Variants in NOS1AP observed in about 807,000 individuals in gnomAD.
NOS1AP encodes carboxyl-terminal PDZ ligand of neuronal nitric oxide synthase protein.
Under a neutral mutation model 56.2 loss-of-function variants are expected in NOS1AP, and 21 were observed. The observed-to-expected ratio is 0.37, with a 90% CI of 0.26 to 0.54. The LOEUF is 0.54. Among genes scored for constraint, NOS1AP ranks in the 20% least tolerant of loss-of-function variants. The probability of loss-of-function intolerance (pLI) is 0.84; values close to 1 mark genes in which losing one functional copy is unlikely to be tolerated. For missense variants in NOS1AP, 522 were observed against 657.8 expected (o/e 0.79, Z 2.26); for synonymous variants, 270 against 274.6 (o/e 0.98, Z 0.17).
intron 1 of NOS1AP, among the ~76,000 whole-genome samples, chr1:162,119,963 C>T (rs1648135681): frequency 6.6e-6 from 1 of 152,062 alleles, no homozygotes; most frequent in South Asian, 2.1e-4. Context: ...GTGACAAGTA[C>T]GAACCTATCC....
intron 2 of NOS1AP, among the ~76,000 whole-genome samples, chr1:162,186,930 G>C (rs915154594): frequency 6.6e-6 from 1 of 152,008 alleles, no homozygotes; most frequent in African/African-American, 2.4e-5. Context: ...ATGCATAAAG[G>C]TTTTTTTGTT....
chr1:162,072,402 C>G (rs1691679090), intron 1 of NOS1AP, among the ~76,000 whole-genome samples: 1 of 152,150 alleles, frequency 6.6e-6, no homozygotes. Context: ...TGTACTGTTT[C>G]TTTTCTAAGC....
At chr1:162,093,201 G>T (rs1692170570) in intron 1 of NOS1AP, among the ~76,000 whole-genome samples, 1 of 152,150 alleles carries the variant, frequency 6.6e-6, no homozygotes, top group Non-Finnish European at 1.5e-5. Context: ...TATCTGAGCA[G>T]GGGATAAGTA....
chr1:162,217,557 G>T (rs1652624048), intron 2 of NOS1AP, among the ~76,000 whole-genome samples: 2 of 152,094 alleles, frequency 1.3e-5, no homozygotes, highest in Admixed American at 1.3e-4. Flanking sequence ...GAGCCACTGT[G>T]CCTGGCCTTG....
At chr1:162,108,658 A>AAAAAATATTGCC (rs1371316034) in intron 1 of NOS1AP, among the ~76,000 whole-genome samples, 1 of 152,194 alleles carries the variant, frequency 6.6e-6, no homozygotes, top group Non-Finnish European at 1.5e-5. Flanking sequence ...TGACAACATG[A>AAAAAATATTGCC]AAAAATATTG....
chr1:162,239,923 A>G (rs1317540448), intron 2 of NOS1AP, among the ~76,000 whole-genome samples: 1 of 152,210 alleles, frequency 6.6e-6, no homozygotes, highest in Non-Finnish European at 1.5e-5. Flanking sequence ...AGGCCTGTAT[A>G]TTGCCAACTA....
At position 162,354,509 on chromosome 1, in the gene NOS1AP, G is replaced by A. The variant is rs539636325; in HGVS notation, c.596-678G>A. Among the ~76,000 whole-genome samples the A allele has an allele frequency of 7.9e-4, 121 of 152,252 alleles. 1 individual carries two copies. Among genetic ancestry groups the A allele is most frequent in the African/African-American group, 2.8e-3 (117 of 41,546 alleles). On this transcript the variant is annotated intron_variant, in intron 6 of 9. Transcript: ENST00000361897. Reference sequence around the variant, plus strand: ...TCTTCAGTGGAAAGGAAGAAATGTGGGAAGTAGAAAAATTAGATAAGGAAG... The same window carrying A: ...TCTTCAGTGGAAAGGAAGAAATGTGAGAAGTAGAAAAATTAGATAAGGAAG...
rs1293965250 is a variant in NOS1AP at position 162,155,452 on chromosome 1, T to TAGAG, written c.177+977_177+978insGAGA. ...ACATACATATATACATATATATATA[T>TAGAG]ATATAGAGAGAGAGAGAGAGGTATC... On this transcript the variant is annotated intron_variant, in intron 2 of 9. Transcript: ENST00000361897. 3.4e-5 allele frequency among the ~76,000 whole-genome samples: 5 copies of TAGAG among 147,482 alleles called. No homozygotes were observed. The East Asian group carries it at 5.9e-4, about 18-fold the overall frequency.
chr1:162,114,152 C>A (rs923124191), intron 1 of NOS1AP, among the ~76,000 whole-genome samples: 7 of 152,128 alleles, frequency 4.6e-5, no homozygotes, highest in African/African-American at 1.7e-4. Flanking sequence ...ACTCTAAAAC[C>A]CCAGTGTAGA....
rs139529913 is a variant in NOS1AP, at chr1:162,279,486, G to A, written c.178-7858G>A. On this transcript the variant is annotated intron_variant, in intron 2 of 9. Transcript: ENST00000361897. ...CAGAACATCTGTGTGTGCATGAACC[G>A]CTCTTCCACCTTCTCAACGTTCCAA... Among the ~76,000 whole-genome samples the A allele has an allele frequency of 3.9e-3, 594 of 152,284 alleles. 12 individuals are homozygous for A. Among genetic ancestry groups the A allele is most frequent in the Non-Finnish European group, 5.1e-3 (344 of 68,020 alleles).
chr1:162,247,265 T>C (rs1653696375), intron 2 of NOS1AP, among the ~76,000 whole-genome samples: 1 of 152,156 alleles, frequency 6.6e-6, no homozygotes, highest in South Asian at 2.1e-4. Flanking sequence ...ATCTGATCCC[T>C]CAGGAAAGAT....
At chr1:162,080,391 C>T (rs1223492244) in intron 1 of NOS1AP, among the ~76,000 whole-genome samples, 1 of 152,210 alleles carries the variant, frequency 6.6e-6, no homozygotes, top group South Asian at 2.1e-4. Context: ...AGAGTGGCTA[C>T]CCCCATTTAT....
intron 1 of NOS1AP, among the ~76,000 whole-genome samples, chr1:162,112,443 C>G (rs1178018767): frequency 1.3e-5 from 2 of 152,166 alleles, no homozygotes; most frequent in East Asian, 1.9e-4. Flanking sequence ...GCCTTGGCCC[C>G]CTCTTCAAAC....
At chr1:162,125,695 T>C (rs1167129600) in intron 1 of NOS1AP, among the ~76,000 whole-genome samples, 1 of 152,198 alleles carries the variant, frequency 6.6e-6, no homozygotes, top group East Asian at 1.9e-4. Context: ...TAATTTGATG[T>C]CCAATAATGT....
chr1:162,297,025 C>T (rs1655487956), intron 3 of NOS1AP, among the ~76,000 whole-genome samples: 1 of 152,202 alleles, frequency 6.6e-6, no homozygotes, highest in Non-Finnish European at 1.5e-5. Context: ...TTAATGACAG[C>T]CCCTTGCTGG....
At chr1:162,127,024 G>C (rs896873492) in intron 1 of NOS1AP, among the ~76,000 whole-genome samples, 2 of 152,108 alleles carry the variant, frequency 1.3e-5, no homozygotes, top group Non-Finnish European at 2.9e-5. Context: ...TACTTCTTTT[G>C]TTATGAGTAA....
intron 4 of NOS1AP, among the ~76,000 whole-genome samples, chr1:162,321,630 C>A (rs1301856474): frequency 2.6e-5 from 4 of 151,184 alleles, no homozygotes; most frequent in African/African-American, 4.9e-5. Context: ...ATGACGAGTT[C>A]ATGGGTGCAG....
rs1655866935 is a variant in NOS1AP, at chr1:162,307,317, GACTAACAAACAAA to G, written c.344+6615_344+6627del. Among the ~76,000 whole-genome samples, 2 of 152,124 alleles carry G rather than the reference GACTAACAAACAAA, an allele frequency of 1.3e-5. 1 individual carries two copies. Among genetic ancestry groups the G allele is most frequent in the South Asian group, 4.1e-4 (2 of 4,824 alleles). On this transcript the variant is annotated intron_variant, in intron 4 of 9. Coordinates refer to ENST00000361897, the MANE Select transcript of NOS1AP (RefSeq NM_014697.3). ...TTATGTTCCTTGAAATGAGTGAATAGACTAACAAACAAAACTCCTTTTTAAAACTAGGGGGAGT... is the reference window on the plus strand; with the variant it reads ...TTATGTTCCTTGAAATGAGTGAATAGACTCCTTTTTAAAACTAGGGGGAGT...
At chr1:162,110,515 A>G (rs991415411) in intron 1 of NOS1AP, among the ~76,000 whole-genome samples, 1 of 152,140 alleles carries the variant, frequency 6.6e-6, no homozygotes, top group African/African-American at 2.4e-5. Context: ...TAAGACCCCA[A>G]TCAGAATCTT....
Sources: allele counts gnomAD v4.1 joint callset (sites outside exome capture counted in the v4.1 genomes callset), GRCh38; gene constraint gnomAD v4.1.1; transcripts MANE v1.5; gene names NCBI Gene and HGNC (gene_info 2026-07-23, HGNC 2026-07-21).